RGP1: variants seen among roughly 807,000 people sequenced by gnomAD.
RGP1 encodes the protein RAB6A-GEF complex partner protein 2.
A neutral mutation model predicts 44.5 loss-of-function variants in RGP1; 28 were observed. The ratio of observed to expected loss-of-function variants is 0.63; its 90% CI spans 0.47 to 0.86. RGP1 has a LOEUF of 0.86. RGP1 is among the 40% of genes least tolerant of loss of function. The probability of loss-of-function intolerance (pLI) is 0.00; values close to 1 mark genes in which losing one functional copy is unlikely to be tolerated. For missense variants in RGP1, 417 were observed against 490.7 expected, an observed-to-expected ratio of 0.85 and a Z score of 1.42; for synonymous variants, 212 against 196.7, an observed-to-expected ratio of 1.08 and a Z score of -0.65.
chr9:35,778,128 C>T, the RGP1 span, among the ~76,000 whole-genome samples: 82 of 152,116 alleles, frequency 5.4e-4, no homozygotes, highest in Non-Finnish European at 1.0e-3. Flanking sequence ...GGAGAAACCC[C>T]GTCTCTACTA....
chr9:35,757,279 G>C lies in RGP1; in HGVS notation c.*4405G>C, dbSNP rs1329714910. 2 of 152,544 alleles carry C rather than the reference G, an allele frequency of 1.3e-5. No individual in the cohort carries two copies. The highest frequency in any genetic ancestry group is 2.4e-5 in the African/African-American group (1 of 41,472). 9.4% of individuals were successfully genotyped at this position (152,544 alleles called of 1,614,324 possible). The stretch of plus-strand genomic sequence containing the variant: ...CCGGAGGGTCTGGAGGAGCCAGGAG[G>C]GTTTCTGGGAGCAGAGGGTCACTTA... On this transcript the variant is annotated 3_prime_UTR_variant, in exon 9 of 9. Coordinates refer to ENST00000378078, the MANE Select transcript of RGP1 (RefSeq NM_001080496.3).
At position 35,757,321 on chromosome 9, in the gene RGP1, G is replaced by C. The variant is rs546410044; in HGVS notation, c.*4447G>C. On this transcript the variant is annotated 3_prime_UTR_variant, in exon 9 of 9. Transcript: ENST00000378078. ...GGTCACTTAGTGGGCTTCTGTCGTG[G>C]TGTCGCTACGGGCGCGAAACGGACA... The C allele has an allele frequency of 6.5e-6, 1 of 152,756 alleles. No homozygotes were observed. Among genetic ancestry groups the C allele is most frequent in the Non-Finnish European group, 1.5e-5 (1 of 68,366 alleles). The allele number at this position is 152,756 out of a possible 1,614,324, so 9.5% of individuals were successfully genotyped here.
chr9:35,759,053 T>C (rs1470237051), downstream of RGP1, among the ~76,000 whole-genome samples: 1 of 152,234 alleles, frequency 6.6e-6, no homozygotes, highest in Non-Finnish European at 1.5e-5. Flanking sequence ...ACCTTTCCTG[T>C]GATTAGAAAA....
the RGP1 span, among the ~76,000 whole-genome samples, chr9:35,784,448 G>A: frequency 1.3e-5 from 2 of 152,074 alleles, no homozygotes; most frequent in Non-Finnish European, 2.9e-5. Context: ...AGAGATAGGG[G>A]TGTTTATTTA....
downstream of RGP1, among the ~76,000 whole-genome samples, chr9:35,760,125 C>G (rs1827406249): frequency 6.6e-6 from 1 of 152,040 alleles, no homozygotes; most frequent in East Asian, 1.9e-4. Flanking sequence ...TTTTCTATCT[C>G]TTTAATGAAA....
In RGP1 at chr9:35,749,713, C is replaced by G. The variant is rs1454303119; in HGVS notation, c.-19-24C>G. On this transcript the variant is annotated intron_variant, in intron 1 of 8. Coordinates refer to ENST00000378078, the MANE Select transcript of RGP1 (RefSeq NM_001080496.3). The surrounding 1 kb of genome is among the most constrained non-coding windows in gnomAD (Gnocchi z 4.4). Reference sequence around the variant, plus strand: ...CCCCTCCCTGTCAAGGTGCTGACCTCCGCCCCGCCTTGTTTCCTTCTAGAT... The same window carrying G: ...CCCCTCCCTGTCAAGGTGCTGACCTGCGCCCCGCCTTGTTTCCTTCTAGAT... The G allele has an allele frequency of 2.7e-6, 4 of 1,456,274 alleles. No homozygotes were observed. In the Admixed American group the frequency reaches 6.9e-5, roughly 25 times the overall value. 90.2% of individuals were successfully genotyped at this position (1,456,274 alleles called of 1,614,324 possible). A position where few individuals can be genotyped will look rare whatever the true frequency, so the allele number is the denominator to read the frequency against.
intron 7 of RGP1, 59 bp from the exon 8 acceptor site, chr9:35,751,897 C>T (rs1827271532): frequency 1.3e-6 from 2 of 1,557,810 alleles, no homozygotes; most frequent in East Asian, 4.5e-5. Flanking sequence ...TGAGGTTGGG[C>T]TGTCCTCTCA....
chr9:35,751,222 T>C, intron 5 of RGP1, 44 bp from the exon 6 acceptor site: 1 of 1,608,210 alleles, frequency 6.2e-7, no homozygotes, highest in Non-Finnish European at 8.5e-7. Flanking sequence ...TACTCTCATC[T>C]CCGTTCCCTC....
chr9:35,749,330 C>T lies in RGP1; in HGVS notation c.-98C>T. 1 of 530,152 alleles carries T rather than the reference C, an allele frequency of 1.9e-6. No individual in the cohort carries two copies. Among genetic ancestry groups the T allele is most frequent in the Non-Finnish European group, 3.9e-6 (1 of 259,152 alleles). The allele number at this position is 530,152 out of a possible 1,614,324, so 32.8% of individuals were successfully genotyped here. On this transcript the variant is annotated 5_prime_UTR_variant, in exon 1 of 9. Transcript: ENST00000378078. This position sits in a 1 kb window ranked among gnomAD's most constrained non-coding sequence, Gnocchi z 4.4. ...CAGCGGACGCCGCCGCCGCCGCCGC[C>T]GCCGCGTACCTAGCCAGGTCCCTGA...
chr9:35,783,526 A>G, the RGP1 span, among the ~76,000 whole-genome samples: 1 of 151,276 alleles, frequency 6.6e-6, no homozygotes, highest in Non-Finnish European at 1.5e-5. Context: ...CTTCTAAGAG[A>G]TCAGTTTTTG....
At chr9:35,762,070 G>C (rs1234703948), downstream of RGP1, among the ~76,000 whole-genome samples, 1 of 152,118 alleles carries the variant, frequency 6.6e-6, no homozygotes, top group Admixed American at 6.5e-5. Context: ...ACTTGAACCT[G>C]AGGCAGAGGT....
downstream of RGP1, among the ~76,000 whole-genome samples, chr9:35,759,759 A>G (rs577245846): frequency 6.6e-5 from 10 of 151,844 alleles, no homozygotes; most frequent in African/African-American, 2.4e-4. Context: ...CCTTTCTGAT[A>G]TAATTATTGA....
intron 2 of RGP1, 75 bp from the exon 3 acceptor site, chr9:35,750,168 G>A: frequency 6.5e-7 from 1 of 1,545,560 alleles, no homozygotes; most frequent in Admixed American, 1.9e-5. Flanking sequence ...GGTTAAGATG[G>A]TGTGATAGGG....
chr9:35,775,860 C>T, the RGP1 span, among the ~76,000 whole-genome samples: 1 of 152,140 alleles, frequency 6.6e-6, no homozygotes, highest in African/African-American at 2.4e-5. Context: ...ATATGACGGA[C>T]CCCTAATAAT....
chr9:35,777,315 G>C, the RGP1 span, among the ~76,000 whole-genome samples: 4 of 151,402 alleles, frequency 2.6e-5, no homozygotes, highest in Non-Finnish European at 5.9e-5. Context: ...ATTTTTAGTA[G>C]AGATGGGGTT....
the RGP1 span, among the ~76,000 whole-genome samples, chr9:35,785,871 C>T: frequency 1.3e-5 from 2 of 152,128 alleles, no homozygotes; most frequent in Admixed American, 6.6e-5. Context: ...CCTCAGATTA[C>T]CTCAGATTTG....
At chr9:35,786,053 C>T in the RGP1 span, among the ~76,000 whole-genome samples, 1 of 152,316 alleles carries the variant, frequency 6.6e-6, no homozygotes, top group African/African-American at 2.4e-5. Flanking sequence ...CAGTTTTGTA[C>T]ATTTTTGTTT....
At chr9:35,767,439 A>G in the RGP1 span, among the ~76,000 whole-genome samples, 1 of 152,114 alleles carries the variant, frequency 6.6e-6, no homozygotes, top group South Asian at 2.1e-4. Flanking sequence ...TAATGATACC[A>G]CCATTCTTCA....
the RGP1 span, chr9:35,780,517 A>G: frequency 6.6e-6 from 1 of 152,230 alleles, no homozygotes; most frequent in Non-Finnish European, 1.5e-5. Flanking sequence ...CACGAAATCT[A>G]TCCCTGAATC....
Sources: gnomAD v4.1 joint callset for allele counts (sites outside exome capture counted in the v4.1 genomes callset) on GRCh38, gnomAD v4.1.1 for gene constraint, Gnocchi (gnomAD v3.1) non-coding constraint, MANE v1.5 for transcripts, NCBI Gene and HGNC (gene_info 2026-07-23, HGNC 2026-07-21) for gene names.